ACSS3: variants seen among roughly 807,000 people sequenced by gnomAD.
The protein encoded by ACSS3 is acyl-CoA synthetase short chain family member 3.
ACSS3 carries 64 observed loss-of-function variants against 84.2 expected under a neutral mutation model. The observed-to-expected ratio is 0.76, with a 90% CI of 0.62 to 0.94. ACSS3 has a LOEUF of 0.94. ACSS3 is among the 40% of genes least tolerant of loss of function. The pLI is 0.00. For missense variants in ACSS3, 815 were observed against 867.6 expected (o/e 0.94, Z 0.76); for synonymous variants, 317 against 310.1 (o/e 1.02, Z -0.23).
rs539645691 is a variant in ACSS3, at chr12:81,127,298, A to T, written c.457-7518A>T. 3.0e-4 allele frequency among the ~76,000 whole-genome samples: 45 copies of T among 152,160 alleles called. 1 individual carries two copies. The highest frequency in any genetic ancestry group is 1.1e-3 in the African/African-American group (45 of 41,552). Reference sequence around the variant, plus strand: ...TATATTCCTGAAAAATTCTCTTCCAAAAAAGATAGTTTTACTATCATTCCA... The same window carrying T: ...TATATTCCTGAAAAATTCTCTTCCATAAAAGATAGTTTTACTATCATTCCA... On this transcript the variant is annotated intron_variant, in intron 2 of 15. Transcript: ENST00000548058.
chr12:81,124,932 T>G (rs2701789), intron 2 of ACSS3, among the ~76,000 whole-genome samples: 135,618 of 152,258 alleles, frequency 0.89, 61,377 homozygotes, highest in Middle Eastern at 0.98. Context: ...ATGCATAAAT[T>G]GTCCGGGCTT....
At chr12:81,253,258 A>C in intron 13 of ACSS3, 49 bp from the exon 14 acceptor site, 1 of 1,523,698 alleles carries the variant, frequency 6.6e-7, no homozygotes, top group Admixed American at 1.7e-5. Context: ...TTGAATATAC[A>C]TATATGGTAA....
chr12:81,168,817 A>G (rs1160515885), intron 7 of ACSS3, among the ~76,000 whole-genome samples: 2 of 152,208 alleles, frequency 1.3e-5, no homozygotes, highest in Non-Finnish European at 2.9e-5. Context: ...TCATTTATTT[A>G]TAACAAATGG....
At chr12:81,154,393 T>A (rs1886763406) in intron 7 of ACSS3, among the ~76,000 whole-genome samples, 1 of 152,210 alleles carries the variant, frequency 6.6e-6, no homozygotes, top group Admixed American at 6.5e-5. Flanking sequence ...AATGATTTGC[T>A]CAAGAAGAGT....
intron 9 of ACSS3, among the ~76,000 whole-genome samples, chr12:81,213,962 T>TCTTTCTTTCTTTCTTTCTTC (rs2032786829): frequency 5.6e-5 from 1 of 17,712 alleles, no homozygotes; most frequent in Non-Finnish European, 1.8e-4. Flanking sequence ...TCTCTCTCTT[T>TCTTTCTTTCTTTCTTTCTTC]CTTTCTTTCT....
Position 81,078,368 on chromosome 12 carries a change from A to G in ACSS3, c.248A>G (p.Gln83Arg). 1.2e-6 allele frequency: 2 copies of G among 1,612,652 alleles called. No individual in the cohort carries two copies. Among genetic ancestry groups the G allele is most frequent in the Non-Finnish European group, 1.7e-6 (2 of 1,179,946 alleles). ...PERFWGKAAE[Q>R]ISWYKPWTKT... ...AGGTTCTGGGGCAAAGCTGCCGAGC[A>G]GATCAGCTGGTACAAGCCCTGGACC... The change falls in exon 1 of 16, where the codon CAG (glutamine) becomes CGG (arginine). Residue 83 changes from glutamine to arginine, a missense_variant. Gln to Arg is a conservative substitution (Grantham distance 43). Transcript: ENST00000548058.
intron 2 of ACSS3, among the ~76,000 whole-genome samples, chr12:81,133,741 T>C (rs1014262658): frequency 6.6e-6 from 1 of 152,138 alleles, no homozygotes; most frequent in Non-Finnish European, 1.5e-5. Context: ...TTATTGTGTT[T>C]ATTGCTTATT....
intron 2 of ACSS3, among the ~76,000 whole-genome samples, chr12:81,130,242 G>T (rs974022892): frequency 4.8e-4 from 73 of 152,236 alleles, no homozygotes; most frequent in African/African-American, 1.8e-3. Context: ...ATTCCCACCA[G>T]CAGTGTAAAA....
At chr12:81,217,828 A>T (rs2135944583) in intron 10 of ACSS3, among the ~76,000 whole-genome samples, 1 of 152,196 alleles carries the variant, frequency 6.6e-6, no homozygotes, top group African/African-American at 2.4e-5. Context: ...ACACAGCAAG[A>T]CTCTGTCTCA....
At chr12:81,237,366 G>A (rs143111951) in intron 13 of ACSS3, among the ~76,000 whole-genome samples, 94 of 151,672 alleles carry the variant, frequency 6.2e-4, no homozygotes, top group Non-Finnish European at 1.0e-3. Context: ...AAGAGTCTCA[G>A]GAGGCTAGGG....
rs914188881 is a variant in ACSS3 at position 81,259,102 on chromosome 12, T to C, written c.*4180T>C. On this transcript the variant is annotated 3_prime_UTR_variant, in exon 16 of 16. Coordinates refer to ENST00000548058, the MANE Select transcript of ACSS3 (RefSeq NM_024560.4). ...TTTTTACATGATCAGAGGCAGGTTG[T>C]TCAGCTTTAAGTATTGACAGACTTG... 6 of 175,654 alleles carry C rather than the reference T, an allele frequency of 3.4e-5. No individual in the cohort carries two copies. The Admixed American group carries it at 3.7e-4, about 11-fold the overall frequency. The allele number at this position is 175,654 out of a possible 1,614,324, so 10.9% of individuals were successfully genotyped here.
intron 2 of ACSS3, among the ~76,000 whole-genome samples, chr12:81,116,657 A>G (rs997786325): frequency 1.3e-5 from 2 of 152,068 alleles, no homozygotes; most frequent in African/African-American, 4.8e-5. Context: ...CCAGAGAAAA[A>G]GCTCCTTGAG....
intron 1 of ACSS3, among the ~76,000 whole-genome samples, chr12:81,088,857 G>A (rs958764628): frequency 2.1e-4 from 32 of 152,034 alleles, no homozygotes; most frequent in African/African-American, 7.7e-4. Flanking sequence ...AGTTTTTAAA[G>A]TTTGGGTCTA....
chr12:81,093,453 C>G (rs1400766445), intron 1 of ACSS3, among the ~76,000 whole-genome samples: 1 of 137,910 alleles, frequency 7.3e-6, no homozygotes, highest in Non-Finnish European at 1.6e-5. Flanking sequence ...ACACTCTGTC[C>G]CCACCGCCAC....
intron 7 of ACSS3, among the ~76,000 whole-genome samples, chr12:81,154,067 TAAAAC>T (rs1457186814): frequency 6.6e-6 from 1 of 152,216 alleles, no homozygotes; most frequent in Non-Finnish European, 1.5e-5. Flanking sequence ...TTGTAATAAT[TAAAAC>T]AAAATAATCT....
At chr12:81,118,484 C>G (rs1473151371) in intron 2 of ACSS3, among the ~76,000 whole-genome samples, 2 of 152,124 alleles carry the variant, frequency 1.3e-5, no homozygotes, top group Non-Finnish European at 2.9e-5. Context: ...GTCATATATG[C>G]TTTCTACACA....
intron 8 of ACSS3, among the ~76,000 whole-genome samples, chr12:81,188,136 G>T (rs929416863): frequency 1.3e-5 from 2 of 151,790 alleles, no homozygotes; most frequent in African/African-American, 4.8e-5. Flanking sequence ...CTTGATAAAA[G>T]ATATTGAAAA....
At chr12:81,092,531 A>G (rs187397023) in intron 1 of ACSS3, among the ~76,000 whole-genome samples, 2 of 152,300 alleles carry the variant, frequency 1.3e-5, no homozygotes, top group East Asian at 3.9e-4. Context: ...TTTGGTGAAC[A>G]GTGGCCATTT....
intron 13 of ACSS3, among the ~76,000 whole-genome samples, chr12:81,234,729 A>AT (rs1043606489): frequency 7.9e-5 from 12 of 151,328 alleles, no homozygotes; most frequent in African/African-American, 2.4e-4. Context: ...TCTTCAGCCC[A>AT]TTTTTTTAAA....
Sources: gnomAD v4.1 joint callset for allele counts (sites outside exome capture counted in the v4.1 genomes callset) on GRCh38, gnomAD v4.1.1 for gene constraint, MANE v1.5 for transcripts, NCBI Gene and HGNC (gene_info 2026-07-23, HGNC 2026-07-21) for gene names.